The following C5orf58 variants were observed in gnomAD, a reference collection of about 807,000 sequenced individuals.
The protein encoded by C5orf58 is chromosome 5 open reading frame 58, also known as putative uncharacterized protein C5orf58.
A neutral mutation model predicts 2.9 loss-of-function variants in C5orf58; 2 were observed. That is an observed-to-expected ratio of 0.69 (90% CI 0.28 to 2.18). The LOEUF (loss-of-function observed/expected upper bound fraction) is 2.18, where lower values mean the gene tolerates loss of function less well. Ranked by LOEUF, C5orf58 falls within the 30% of genes most tolerant of loss-of-function variation. The pLI is 0.13. For synonymous variants in C5orf58, 37 were observed against 33.4 expected, an observed-to-expected ratio of 1.11 and a Z score of -0.37; for missense variants, 96 against 91.7, an observed-to-expected ratio of 1.05 and a Z score of -0.19.
At position 170,233,021 on chromosome 5, in the gene C5orf58, G is replaced by C; in HGVS notation, c.-85+14G>C. On this transcript the variant is annotated intron_variant, in intron 1 of 3. Transcript: ENST00000593851. ...ACGGTTGGCCAGGTGGGTAGTGACGGCTGCTCGGTCTTGAAGGATCCTAAT... is the reference window on the plus strand; with the variant it reads ...ACGGTTGGCCAGGTGGGTAGTGACGCCTGCTCGGTCTTGAAGGATCCTAAT... 1.0e-6 allele frequency: 1 copy of C among 972,976 alleles called. No individual in the cohort carries two copies. The highest frequency in any genetic ancestry group is 1.8e-5 in the African/African-American group (1 of 57,106). The allele number at this position is 972,976 out of a possible 1,614,324, so 60.3% of individuals were successfully genotyped here.
At chr5:170,241,442 T>C (rs1761004138) in intron 3 of C5orf58, among the ~76,000 whole-genome samples, 1 of 151,306 alleles carries the variant, frequency 6.6e-6, no homozygotes, top group African/African-American at 2.5e-5. Flanking sequence ...TTGTATCCTC[T>C]TTTATTTCCT....
At chr5:170,236,968 C>T (rs530923115) in intron 3 of C5orf58, among the ~76,000 whole-genome samples, 4 of 152,182 alleles carry the variant, frequency 2.6e-5, no homozygotes, top group East Asian at 3.9e-4. Flanking sequence ...TTGATTGATT[C>T]GATTCTTAAA....
downstream of C5orf58, among the ~76,000 whole-genome samples, chr5:170,249,494 T>TTTTTGG (rs995898063): frequency 1.8e-4 from 27 of 151,940 alleles, no homozygotes; most frequent in African/African-American, 6.0e-4. Flanking sequence ...GGTTGCTCTG[T>TTTTTGG]TTTTGGTTTT....
At chr5:170,235,542 C>G (rs2113086022) in intron 3 of C5orf58, among the ~76,000 whole-genome samples, 1 of 152,300 alleles carries the variant, frequency 6.6e-6, no homozygotes, top group African/African-American at 2.4e-5. Flanking sequence ...CAGACATATT[C>G]AGTTATTTTA....
chr5:170,248,857 A>G (rs754954977), downstream of C5orf58: 139 of 1,604,116 alleles, frequency 8.7e-5, 1 homozygote, highest in South Asian at 1.4e-3. Context: ...TCAACATTGG[A>G]ATGAAAAGCA....
At chr5:170,242,909 G>T (rs1761082933) in intron 3 of C5orf58, among the ~76,000 whole-genome samples, 1 of 142,696 alleles carries the variant, frequency 7.0e-6, no homozygotes, top group Non-Finnish European at 1.5e-5. Flanking sequence ...TCTCTTGTGG[G>T]CATTTAGTGC....
chr5:170,245,127 C>G (rs866225616), intron 3 of C5orf58, among the ~76,000 whole-genome samples: 4 of 152,004 alleles, frequency 2.6e-5, no homozygotes, highest in Admixed American at 6.5e-5. Context: ...GCAGTCTGCC[C>G]GTTCTCAGAT....
In C5orf58 at chr5:170,246,151, C is replaced by G; in HGVS notation, c.*38C>G. On this transcript the variant is annotated 3_prime_UTR_variant, in exon 4 of 4. Transcript: ENST00000593851. ...TATGAGTTTCTGTTTTATTGTTGAACTAACAAATATTTGGGAGAGTTGAGT... is the reference window on the plus strand; with the variant it reads ...TATGAGTTTCTGTTTTATTGTTGAAGTAACAAATATTTGGGAGAGTTGAGT... 2 of 1,542,336 alleles carry G rather than the reference C, an allele frequency of 1.3e-6. No individual in the cohort carries two copies. The highest frequency in any genetic ancestry group is 2.4e-5 in the South Asian group (2 of 84,866).
intron 3 of C5orf58, among the ~76,000 whole-genome samples, chr5:170,243,182 A>G (rs1441915265): frequency 6.7e-6 from 1 of 149,582 alleles, no homozygotes; most frequent in African/African-American, 2.5e-5. Context: ...TTTGCTGAGG[A>G]GAGCTTTACT....
At chr5:170,245,421 C>T (rs545415146) in intron 3 of C5orf58, among the ~76,000 whole-genome samples, 201 of 152,238 alleles carry the variant, frequency 1.3e-3, no homozygotes, top group Non-Finnish European at 1.7e-3. Context: ...TAGCAATCAG[C>T]GAGACTCCGT....
intron 2 of C5orf58, chr5:170,251,350 T>G (rs1177480876): frequency 5.0e-6 from 1 of 201,194 alleles, no homozygotes; most frequent in Non-Finnish European, 1.0e-5. Context: ...TAAAACCCTG[T>G]GATCTCTAGA....
At chr5:170,239,127 A>G (rs977081070) in intron 3 of C5orf58, among the ~76,000 whole-genome samples, 4 of 152,202 alleles carry the variant, frequency 2.6e-5, no homozygotes, top group Non-Finnish European at 5.9e-5. Context: ...ATAACCCAAG[A>G]GCAAATTTAC....
intron 2 of C5orf58, 71 bp downstream of exon 2, chr5:170,234,269 T>A: frequency 1.1e-6 from 1 of 907,458 alleles, no homozygotes; most frequent in Non-Finnish European, 1.6e-6. Context: ...CTGCTGGAGT[T>A]GTGTATGCTA....
chr5:170,237,575 CA>C (rs1760795207), intron 3 of C5orf58, among the ~76,000 whole-genome samples: 2 of 152,036 alleles, frequency 1.3e-5, no homozygotes, highest in Non-Finnish European at 2.9e-5. Context: ...CCCCAAAGCC[CA>C]AAAATCTGAA....
chr5:170,244,794 TCCATCCAG>T (rs545426563), intron 3 of C5orf58, among the ~76,000 whole-genome samples: 4,213 of 152,334 alleles, frequency 0.028, 148 homozygotes, highest in African/African-American at 0.084. Context: ...AAAGTCATTC[TCCATCCAG>T]CTTTGTTCTG....
chr5:170,252,282 T>C (rs548975646), downstream of C5orf58: 1 of 459,724 alleles, frequency 2.2e-6, no homozygotes, highest in South Asian at 4.3e-5. Context: ...TGCTGGTAGT[T>C]GTGAAGCTGG....
intron 3 of C5orf58, among the ~76,000 whole-genome samples, chr5:170,238,840 G>C (rs1229125706): frequency 6.6e-6 from 1 of 152,190 alleles, no homozygotes; most frequent in African/African-American, 2.4e-5. Context: ...GATTAGTGTA[G>C]ATAAATTTTC....
At chr5:170,243,470 G>T (rs923280340) in intron 3 of C5orf58, among the ~76,000 whole-genome samples, 21 of 150,938 alleles carry the variant, frequency 1.4e-4, no homozygotes, top group Admixed American at 1.2e-3. Flanking sequence ...TCCTGTATTG[G>T]GTGCATATAT....
chr5:170,240,557 G>A (rs1760954676), intron 3 of C5orf58, among the ~76,000 whole-genome samples: 1 of 151,876 alleles, frequency 6.6e-6, no homozygotes, highest in Non-Finnish European at 1.5e-5. Flanking sequence ...TGTGTTTTTG[G>A]CTGCATAAAT....
Sources: gnomAD v4.1 joint callset for allele counts (sites outside exome capture counted in the v4.1 genomes callset) on GRCh38, gnomAD v4.1.1 for gene constraint, MANE v1.5 for transcripts, NCBI Gene and HGNC (gene_info 2026-07-23, HGNC 2026-07-21) for gene names.